The following ENTPD1 variants were observed in gnomAD, a reference collection of about 807,000 sequenced individuals.
The protein encoded by ENTPD1 is ectonucleoside triphosphate diphosphohydrolase 1.
ENTPD1 carries 33 observed loss-of-function variants against 57.0 expected under a neutral mutation model. That is an observed-to-expected ratio of 0.58 (90% CI 0.44 to 0.77). The LOEUF (loss-of-function observed/expected upper bound fraction) is 0.77, where lower values mean the gene tolerates loss of function less well. ENTPD1 is among the 30% of genes least tolerant of loss of function. The pLI, the probability that ENTPD1 is intolerant of heterozygous loss-of-function variation, is 0.00. For synonymous variants in ENTPD1, 202 were observed against 218.8 expected (o/e 0.92, Z 0.68); for missense variants, 501 against 603.4 (o/e 0.83, Z 1.78).
intron 1 of ENTPD1, among the ~76,000 whole-genome samples, chr10:95,735,650 C>G (rs1336211468): frequency 6.6e-6 from 1 of 152,104 alleles, no homozygotes; most frequent in African/African-American, 2.4e-5. Context: ...GGCTGGAGTG[C>G]AATGGTGCGA....
chr10:95,870,384 A>T lies in ENTPD1; in HGVS notation c.*4001A>T, dbSNP rs1237405902. 1.2e-6 allele frequency: 1 copy of T among 812,450 alleles called. No individual in the cohort carries two copies. Among genetic ancestry groups the T allele is most frequent in the East Asian group, 1.2e-4 (1 of 8,006 alleles). 50.3% of individuals were successfully genotyped at this position (812,450 alleles called of 1,614,324 possible). A position where few individuals can be genotyped will look rare whatever the true frequency, so the allele number is the denominator to read the frequency against. ...ACTGCAGCCTCGACCTCCCAAGCTC[A>T]AGCAAGGCTACAGGTGTGCACCTAA... On this transcript the variant is annotated 3_prime_UTR_variant, in exon 10 of 10. Transcript: ENST00000371205.
chr10:95,792,808 C>T (rs114277762), intron 1 of ENTPD1, among the ~76,000 whole-genome samples: 2 of 152,234 alleles, frequency 1.3e-5, no homozygotes, highest in African/African-American at 4.8e-5. Flanking sequence ...GAAGGCAGCA[C>T]GGGAAAGCAT....
At chr10:95,826,551 T>TACAG (rs2098377352) in intron 2 of ENTPD1, among the ~76,000 whole-genome samples, 1 of 127,814 alleles carries the variant, frequency 7.8e-6, no homozygotes, top group African/African-American at 3.1e-5. Context: ...TAGCTTGGGC[T>TACAG]ACAGAGTGAG....
upstream of ENTPD1, among the ~76,000 whole-genome samples, chr10:95,752,811 G>T (rs2098014241): frequency 6.6e-6 from 1 of 152,116 alleles, no homozygotes; most frequent in Non-Finnish European, 1.5e-5. Context: ...GGGTTACACG[G>T]TGAGCCAATG....
At chr10:95,728,670 AAGATGAACTGCTCACACAG>A (rs1464910950) in intron 1 of ENTPD1, among the ~76,000 whole-genome samples, 1 of 152,192 alleles carries the variant, frequency 6.6e-6, no homozygotes, top group African/African-American at 2.4e-5. Context: ...ATTTACTGGA[AAGATGAACTGCTCACACAG>A]AGATGATGTT....
intron 1 of ENTPD1, among the ~76,000 whole-genome samples, chr10:95,817,409 G>T (rs1210452620): frequency 6.6e-6 from 1 of 152,158 alleles, no homozygotes; most frequent in Non-Finnish European, 1.5e-5. Context: ...CACCCTAAAA[G>T]GCCACACCCT....
At chr10:95,777,381 A>G (rs2098138057) in intron 1 of ENTPD1, among the ~76,000 whole-genome samples, 2 of 152,210 alleles carry the variant, frequency 1.3e-5, no homozygotes, top group African/African-American at 4.8e-5. Context: ...TCCTTCTAAC[A>G]GTCAGGTCCC....
At chr10:95,773,217 C>A (rs1443070865) in intron 1 of ENTPD1, among the ~76,000 whole-genome samples, 1 of 152,150 alleles carries the variant, frequency 6.6e-6, no homozygotes, top group Admixed American at 6.5e-5. Flanking sequence ...CCATTTGGCC[C>A]CACCTCTAAC....
chr10:95,703,096 T>G, the ENTPD1 span, among the ~76,000 whole-genome samples: 130 of 152,256 alleles, frequency 8.5e-4, 1 homozygote, highest in East Asian at 0.022. Context: ...ACACCTGACT[T>G]TTCAACAAAA....
the ENTPD1 span, among the ~76,000 whole-genome samples, chr10:95,705,311 T>A: frequency 5.1e-5 from 6 of 117,644 alleles, no homozygotes; most frequent in Non-Finnish European, 7.8e-5. Context: ...GGTAAATACA[T>A]ATATTTAACA....
At chr10:95,830,907 A>G (rs2098394563) in intron 2 of ENTPD1, among the ~76,000 whole-genome samples, 1 of 152,196 alleles carries the variant, frequency 6.6e-6, no homozygotes, top group South Asian at 2.1e-4. Flanking sequence ...GGTTTCATAC[A>G]AGGAAGTGAT....
Position 95,866,375 on chromosome 10 carries a change from ATG to A in ENTPD1, c.1526_1527del (p.Met509SerfsTer13). On this transcript the variant is annotated frameshift_variant, in exon 10 of 10. Coordinates refer to ENST00000371205, the MANE Select transcript of ENTPD1 (RefSeq NM_001776.6). LOFTEE classifies it high-confidence loss of function. ...CAAGCCTTCATATTTCTGGAAAGATATGGTATAGCAAAAGCAGCTGAAATATG... is the reference window on the plus strand; with the variant it reads ...CAAGCCTTCATATTTCTGGAAAGATAGTATAGCAAAAGCAGCTGAAATATG... ...FHKPSYFWKD[M>X]V The A allele has an allele frequency of 3.7e-6, 6 of 1,613,980 alleles. No individual in the cohort carries two copies. Among genetic ancestry groups the A allele is most frequent in the Non-Finnish European group, 5.1e-6 (6 of 1,179,964 alleles).
At chr10:95,740,604 G>A (rs2097999374) in intron 1 of ENTPD1, among the ~76,000 whole-genome samples, 1 of 152,154 alleles carries the variant, frequency 6.6e-6, no homozygotes, top group African/African-American at 2.4e-5. Flanking sequence ...GCCCCCAGAG[G>A]ATGAAGGGCC....
intron 1 of ENTPD1, among the ~76,000 whole-genome samples, chr10:95,712,903 G>A (rs1229677035): frequency 1.3e-5 from 2 of 152,068 alleles, no homozygotes; most frequent in Non-Finnish European, 2.9e-5. Flanking sequence ...GTGTGGTGGC[G>A]GACGCCTGTA....
At chr10:95,750,844 G>A (rs2098010993), upstream of ENTPD1, among the ~76,000 whole-genome samples, 1 of 152,122 alleles carries the variant, frequency 6.6e-6, no homozygotes, top group South Asian at 2.1e-4. Context: ...CCAATATGGT[G>A]AAACCCCATC....
chr10:95,873,564 C>A lies in ENTPD1; in HGVS notation c.*7181C>A. ...TAGGTTATGCCAGCTCACACGCATC[C>A]TTTAAAAATGGTTTAGAAGTTTAGC... On this transcript the variant is annotated 3_prime_UTR_variant, in exon 10 of 10. Coordinates refer to ENST00000371205, the MANE Select transcript of ENTPD1 (RefSeq NM_001776.6). The A allele has an allele frequency of 1.0e-6, 1 of 985,464 alleles. No homozygotes were observed. Among genetic ancestry groups the A allele is most frequent in the Non-Finnish European group, 1.2e-6 (1 of 829,954 alleles). The allele number at this position is 985,464 out of a possible 1,614,324, so 61.0% of individuals were successfully genotyped here.
At chr10:95,739,047 G>GCAATAGC in intron 1 of ENTPD1, among the ~76,000 whole-genome samples, 1 of 152,162 alleles carries the variant, frequency 6.6e-6, no homozygotes, top group South Asian at 2.1e-4. Flanking sequence ...TATAAAGTGT[G>GCAATAGC]CAATAGCATT....
At chr10:95,806,138 T>C (rs915366668) in intron 1 of ENTPD1, among the ~76,000 whole-genome samples, 7 of 152,208 alleles carry the variant, frequency 4.6e-5, no homozygotes, top group Non-Finnish European at 1.0e-4. Context: ...CAATCAGACA[T>C]AGATTTGGTC....
At chr10:95,752,867 T>C (rs2098014355), upstream of ENTPD1, among the ~76,000 whole-genome samples, 3 of 152,200 alleles carry the variant, frequency 2.0e-5, no homozygotes, top group Admixed American at 2.0e-4. Flanking sequence ...TTAAGTATTT[T>C]TAAGTACATT....
Sources: allele counts gnomAD v4.1 joint callset (sites outside exome capture counted in the v4.1 genomes callset), GRCh38; gene constraint gnomAD v4.1.1; transcripts MANE v1.5; gene names NCBI Gene and HGNC (gene_info 2026-07-23, HGNC 2026-07-21).